The following SP100 variants were observed in gnomAD, a reference collection of about 807,000 sequenced individuals.
SP100 encodes nuclear autoantigen Sp-100.
Under a neutral mutation model 130.0 loss-of-function variants are expected in SP100, and 84 were observed. That is an observed-to-expected ratio of 0.65 (90% CI 0.54 to 0.77). SP100 has a LOEUF of 0.77. Ranked by LOEUF, SP100 falls within the 30% of genes least tolerant of loss-of-function variation. SP100 has a pLI of 0.00. For synonymous variants in SP100, 331 were observed against 351.7 expected (o/e 0.94, Z 0.66); for missense variants, 978 against 1,052.2 (o/e 0.93, Z 0.97).
intron 25 of SP100, among the ~76,000 whole-genome samples, chr2:230,539,891 A>G (rs1692098694): frequency 6.6e-6 from 1 of 152,182 alleles, no homozygotes; most frequent in Non-Finnish European, 1.5e-5. Context: ...GGTGTGCAGG[A>G]TACCACGGAG....
In SP100 at chr2:230,450,354, A is replaced by G. The variant is rs75192874; in HGVS notation, c.820+99A>G. 1,496 of 774,218 alleles carry G rather than the reference A, an allele frequency of 1.9e-3. 10 individuals carry two copies. In the African/African-American group the frequency reaches 0.022, roughly 11 times the overall value. 48.0% of individuals were successfully genotyped at this position (774,218 alleles called of 1,614,324 possible). On this transcript the variant is annotated intron_variant, in intron 8 of 28. Transcript: ENST00000340126. The stretch of plus-strand genomic sequence containing the variant: ...TGGTTGTTGTTTTACCATCGTAACC[A>G]CTTTTTAAAATTACCAGATTAAAAG...
At chr2:230,466,496 A>G (rs2064966293) in intron 12 of SP100, 142 bp downstream of exon 12, 3 of 595,194 alleles carry the variant, frequency 5.0e-6, no homozygotes, top group Non-Finnish European at 9.0e-6. Context: ...TTAAATTTCA[A>G]TGGTTCCTAT....
chr2:230,519,705 AT>A (rs545500728), intron 24 of SP100, among the ~76,000 whole-genome samples: 1 of 152,148 alleles, frequency 6.6e-6, no homozygotes, highest in Non-Finnish European at 1.5e-5. Flanking sequence ...AATGAAGGCC[AT>A]TTTTTTTCCC....
In SP100 at chr2:230,532,795, T is replaced by G. The variant is rs141506272; in HGVS notation, c.2095-6472T>G. Among the ~76,000 whole-genome samples the G allele has an allele frequency of 2.6e-5, 4 of 152,212 alleles. No individual in the cohort carries two copies. In the East Asian group the frequency reaches 7.7e-4, roughly 29 times the overall value. On this transcript the variant is annotated intron_variant, in intron 24 of 28. Coordinates refer to ENST00000340126, the MANE Select transcript of SP100 (RefSeq NM_001080391.2). ...TTTTTATTTTTATTTATTTATTTAT[T>G]TTTGAGACGTAGTCTCGCTCTTTCA...
chr2:230,448,326 C>T (rs1009744867), intron 5 of SP100, among the ~76,000 whole-genome samples: 2 of 152,176 alleles, frequency 1.3e-5, no homozygotes, highest in Admixed American at 6.5e-5. Context: ...TCATTAACAG[C>T]TCACTTTGAT....
At position 230,506,453 on chromosome 2, in the gene SP100, A is replaced by G; in HGVS notation, c.2013+8A>G. On this transcript the variant is annotated splice_region_variant and intron_variant, in intron 22 of 28. Transcript: ENST00000340126. The stretch of plus-strand genomic sequence containing the variant: ...CTGAAAGTCCTGATGGAGGTATTCT[A>G]GTGACAGATGGCTGAAACCAAGGAT... 1.9e-6 allele frequency: 3 copies of G among 1,613,058 alleles called. No homozygotes were observed. The highest frequency in any genetic ancestry group is 3.3e-5 in the Admixed American group (2 of 59,942).
At chr2:230,534,262 C>A (rs865904736) in intron 24 of SP100, among the ~76,000 whole-genome samples, 1 of 152,068 alleles carries the variant, frequency 6.6e-6, no homozygotes, top group Admixed American at 6.5e-5. Flanking sequence ...AAAAATTAGC[C>A]GGGCGTGGTG....
Position 230,540,991 on chromosome 2 carries a change from C to A in SP100, c.2326C>A (p.Gln776Lys). The change falls in exon 26 of 29, where the codon CAG becomes AAG. Residue 776 changes from glutamine (Q) to lysine (K), a missense_variant. Transcript: ENST00000340126. ...GATGAGGCAGATGCTGCCTGAGGAG[C>A]AGTTGGTGAGTAAAAATGTGAACCT... ...VLMRQMLPEE[Q>K]LKCEFLLLKV... 2 of 1,610,698 alleles carry A rather than the reference C, an allele frequency of 1.2e-6. No homozygotes were observed. The highest frequency in any genetic ancestry group is 1.7e-6 in the Non-Finnish European group (2 of 1,177,878).
intron 10 of SP100, 46 bp from the exon 11 acceptor site, chr2:230,464,021 T>G: frequency 7.8e-7 from 1 of 1,282,422 alleles, no homozygotes; most frequent in East Asian, 2.3e-5. Flanking sequence ...AACTGATTCC[T>G]TGGTCACACA....
At chr2:230,449,414 C>T in intron 6 of SP100, 147 bp from the exon 7 acceptor site, 1 of 911,804 alleles carries the variant, frequency 1.1e-6, no homozygotes, top group Admixed American at 1.9e-5. Flanking sequence ...GCCTGCTTCA[C>T]CATTTTCTGC....
intron 5 of SP100, among the ~76,000 whole-genome samples, chr2:230,447,158 T>C (rs578013039): frequency 1.6e-4 from 24 of 152,142 alleles, no homozygotes; most frequent in African/African-American, 5.3e-4. Flanking sequence ...TAGAAGTAAT[T>C]GTAATTTAGA....
At chr2:230,493,699 ATTACAGC>A (rs1274872397) in intron 17 of SP100, 1 of 152,064 alleles carries the variant, frequency 6.6e-6, no homozygotes. Context: ...TATAAACACA[ATTACAGC>A]TTTAGCTCTT....
At chr2:230,536,268 C>T (rs78129651) in intron 24 of SP100, among the ~76,000 whole-genome samples, 5,660 of 152,158 alleles carry the variant, frequency 0.037, 143 homozygotes, top group Non-Finnish European at 0.052. Flanking sequence ...GATTTGCCCA[C>T]GACACTCCTC....
rs1299219293 is a variant in SP100, at chr2:230,498,549, A to C, written c.1720+14A>C. On this transcript the variant is annotated intron_variant, in intron 19 of 28. Coordinates refer to ENST00000340126, the MANE Select transcript of SP100 (RefSeq NM_001080391.2). Reference sequence around the variant, plus strand: ...GGCAACAAAGAGGTAAAAAAAAAAAAATACATTTTAAATAAATAACGTCTA... The same window carrying C: ...GGCAACAAAGAGGTAAAAAAAAAAACATACATTTTAAATAAATAACGTCTA... 4 of 1,294,554 alleles carry C rather than the reference A, an allele frequency of 3.1e-6. No individual in the cohort carries two copies. The East Asian group carries it at 1.1e-4, about 35-fold the overall frequency. The allele number at this position is 1,294,554 out of a possible 1,614,324, so 80.2% of individuals were successfully genotyped here. A position where few individuals can be genotyped will look rare whatever the true frequency, so the allele number is the denominator to read the frequency against.
intron 18 of SP100, among the ~76,000 whole-genome samples, 165 bp from the exon 19 acceptor site, chr2:230,498,296 A>C (rs1282617055): frequency 3.3e-5 from 5 of 152,222 alleles, no homozygotes; most frequent in African/African-American, 1.2e-4. Flanking sequence ...GGATGAACCC[A>C]GGTTAACCAT....
chr2:230,432,598 T>C (rs561013184), intron 2 of SP100, among the ~76,000 whole-genome samples: 4 of 152,344 alleles, frequency 2.6e-5, no homozygotes, highest in African/African-American at 9.6e-5. Context: ...TTTTCTCTAA[T>C]AATGAATGCT....
At chr2:230,448,192 G>T (rs1259746559) in intron 5 of SP100, among the ~76,000 whole-genome samples, 1 of 152,148 alleles carries the variant, frequency 6.6e-6, no homozygotes, top group Non-Finnish European at 1.5e-5. Context: ...CAAAGAGAAA[G>T]GCGGTCATGT....
At position 230,544,570 on chromosome 2, in the gene SP100, C is replaced by T. The variant is rs1476776727; in HGVS notation, c.*1624C>T. ...TGGCGTGATCTTGGCTCACCACAAC[C>T]TCTGCCTCCCGGGTTCAAGCAATTC... On this transcript the variant is annotated 3_prime_UTR_variant, in exon 29 of 29. Coordinates refer to ENST00000340126, the MANE Select transcript of SP100 (RefSeq NM_001080391.2). Among the ~76,000 whole-genome samples, 1 of 152,138 alleles carries T rather than the reference C, an allele frequency of 6.6e-6. No homozygotes were observed. Among genetic ancestry groups the T allele is most frequent in the African/African-American group, 2.4e-5 (1 of 41,418 alleles).
chr2:230,440,865 T>A (rs1352410086), intron 2 of SP100, among the ~76,000 whole-genome samples: 1 of 152,116 alleles, frequency 6.6e-6, no homozygotes, highest in African/African-American at 2.4e-5. Context: ...TATAAACCCA[T>A]GCTAATATTG....
Sources: gnomAD v4.1 joint callset for allele counts (sites outside exome capture counted in the v4.1 genomes callset) on GRCh38, gnomAD v4.1.1 for gene constraint, MANE v1.5 for transcripts, NCBI Gene and HGNC (gene_info 2026-07-23, HGNC 2026-07-21) for gene names.